Variants in MPDZ observed in about 807,000 individuals in gnomAD.
MPDZ encodes multiple PDZ domain protein.
Under a neutral mutation model 239.1 loss-of-function variants are expected in MPDZ, and 234 were observed. That is an observed-to-expected ratio of 0.98 (90% CI 0.88 to 1.09). The LOEUF (loss-of-function observed/expected upper bound fraction) is 1.09, where lower values mean the gene tolerates loss of function less well. Among genes scored for constraint, MPDZ ranks in the 50% least tolerant of loss-of-function variants. MPDZ has a pLI of 0.00. For missense variants in MPDZ, 3,175 were observed against 2,510.0 expected (o/e 1.26, Z -5.66); for synonymous variants, 1,048 against 881.3 (o/e 1.19, Z -3.35).
chr9:13,137,224 A>G (rs1309251391), intron 29 of MPDZ, among the ~76,000 whole-genome samples: 3 of 152,116 alleles, frequency 2.0e-5, no homozygotes, highest in Admixed American at 1.3e-4. Flanking sequence ...CAAGCCCTGG[A>G]AATAGGTCAC....
chr9:13,150,703 A>T lies in MPDZ; in HGVS notation c.3453-15T>A, dbSNP rs1949050636. ...AGAGTTCCACCCTAAAAAATAAATA[A>T]AATTTTCAACTCTTAGGAAAAATCA... On this transcript the variant is annotated splice_polypyrimidine_tract_variant and intron_variant, in intron 24 of 46. Coordinates refer to ENST00000319217, the MANE Select transcript of MPDZ (RefSeq NM_001378778.1). 1 of 1,318,138 alleles carries T rather than the reference A, an allele frequency of 7.6e-7. No homozygotes were observed. The highest frequency in any genetic ancestry group is 9.8e-7 in the Non-Finnish European group (1 of 1,025,176). 81.7% of individuals were successfully genotyped at this position (1,318,138 alleles called of 1,614,324 possible). A position where few individuals can be genotyped will look rare whatever the true frequency, so the allele number is the denominator to read the frequency against.
chr9:13,248,468 C>T (rs996495405), intron 2 of MPDZ, among the ~76,000 whole-genome samples: 1 of 152,046 alleles, frequency 6.6e-6, no homozygotes, highest in Non-Finnish European at 1.5e-5. Flanking sequence ...GTCCTAGTGT[C>T]TTACAAGCAT....
In MPDZ at chr9:13,222,178, C is replaced by T. The variant is rs114243286; in HGVS notation, c.747+55G>A. On this transcript the variant is annotated intron_variant, in intron 6 of 46. Transcript: ENST00000319217. The stretch of plus-strand genomic sequence containing the variant: ...ACACAAATTAGAAACTTGGAGATAA[C>T]CAAAAACAACTTGAAAAATACGTTC... 1.0e-3 allele frequency: 1,477 copies of T among 1,475,588 alleles called. 14 individuals carry two copies. The African/African-American group carries it at 0.017, about 17-fold the overall frequency. The allele number at this position is 1,475,588 out of a possible 1,614,324, so 91.4% of individuals were successfully genotyped here.
In MPDZ at chr9:13,183,506, G is replaced by A. The variant is rs1953664862; in HGVS notation, c.2561C>T (p.Ser854Phe). 1 of 1,612,424 alleles carries A rather than the reference G, an allele frequency of 6.2e-7. No individual in the cohort carries two copies. Among genetic ancestry groups the A allele is most frequent in the Non-Finnish European group, 8.5e-7 (1 of 1,179,028 alleles). The change falls in exon 19 of 47, where the codon TCT (serine) becomes TTT (phenylalanine). Residue 854 changes from serine to phenylalanine, a missense_variant. Transcript: ENST00000319217. Reference protein sequence around the residue: ...PYSPENDSIYSTQASILSLHG... With the variant: ...PYSPENDSIYFTQASILSLHG... Reference sequence around the variant, plus strand: ...AAGAGATAAAATAGAGGCTTGAGTAGAGTAGATGCTGTCATTTTCAGGAGA... The same window carrying A: ...AAGAGATAAAATAGAGGCTTGAGTAAAGTAGATGCTGTCATTTTCAGGAGA...
At chr9:13,114,088 T>C (rs1942964563) in intron 40 of MPDZ, 67 bp from the exon 41 acceptor site, 1 of 1,229,478 alleles carries the variant, frequency 8.1e-7, no homozygotes, top group Admixed American at 2.1e-5. Context: ...ACCACTTATT[T>C]CAGAATTTAA....
chr9:13,120,652 C>G (rs1008685294), intron 38 of MPDZ: 1 of 152,188 alleles, frequency 6.6e-6, no homozygotes, highest in Non-Finnish European at 1.5e-5. Flanking sequence ...CTTTAGCTGT[C>G]TCTGAGAAAC....
chr9:13,184,743 T>C (rs1953860616), intron 18 of MPDZ, among the ~76,000 whole-genome samples: 1 of 152,028 alleles, frequency 6.6e-6, no homozygotes, highest in Non-Finnish European at 1.5e-5. Flanking sequence ...ATATAATTTG[T>C]ATGTATATTG....
intron 3 of MPDZ, among the ~76,000 whole-genome samples, 182 bp from the exon 4 acceptor site, chr9:13,224,765 T>C (rs1243187484): frequency 6.6e-6 from 1 of 152,136 alleles, no homozygotes; most frequent in Non-Finnish European, 1.5e-5. Flanking sequence ...CAAAGATGTG[T>C]GTGCATCACT....
At chr9:13,160,858 AT>A (rs1563931033) in intron 23 of MPDZ, among the ~76,000 whole-genome samples, 26 of 121,924 alleles carry the variant, frequency 2.1e-4, no homozygotes, top group African/African-American at 7.8e-4. Context: ...ATATATATAT[AT>A]ATATATATAT....
chr9:13,107,228 C>G (rs1941610004), intron 46 of MPDZ, 117 bp from the exon 47 acceptor site: 2 of 1,089,766 alleles, frequency 1.8e-6, no homozygotes, highest in African/African-American at 1.6e-5. Flanking sequence ...ACACTGCTCC[C>G]AGTGCTCCAT....
intron 3 of MPDZ, among the ~76,000 whole-genome samples, chr9:13,231,218 T>TG (rs1327770372): frequency 3.3e-5 from 5 of 151,660 alleles, no homozygotes; most frequent in Admixed American, 2.6e-4. Flanking sequence ...TGCAAAAAAA[T>TG]GGGGAAAAAA....
At chr9:13,129,214 G>A (rs1217415765) in intron 32 of MPDZ, among the ~76,000 whole-genome samples, 1 of 152,150 alleles carries the variant, frequency 6.6e-6, no homozygotes, top group Non-Finnish European at 1.5e-5. Context: ...TGTAATCCCA[G>A]CACTTTGGGA....
At chr9:13,205,013 A>G in intron 12 of MPDZ, 23 bp downstream of exon 12, 3 of 1,392,164 alleles carry the variant, frequency 2.2e-6, no homozygotes, top group Non-Finnish European at 2.8e-6. Flanking sequence ...GAAGTACACA[A>G]TAAGCTGGCG....
chr9:13,189,587 A>G (rs1954619704), intron 16 of MPDZ, among the ~76,000 whole-genome samples: 1 of 152,124 alleles, frequency 6.6e-6, no homozygotes, highest in Non-Finnish European at 1.5e-5. Context: ...GTAAGTAAGG[A>G]ACAACAGCTG....
In MPDZ at chr9:13,136,724, AT is replaced by A; in HGVS notation, c.4279del (p.Ile1427Ter). On this transcript the variant is annotated frameshift_variant, in exon 30 of 47. Coordinates refer to ENST00000319217, the MANE Select transcript of MPDZ (RefSeq NM_001378778.1). LOFTEE classifies it high-confidence loss of function. Reference protein sequence around the residue: ...IIKCAPSKVKIIFIRNKDAVN... With the variant: ...IIKCAPSKVKXIFIRNKDAVN... Reference sequence around the variant, plus strand: ...AGAAAATGATCACCTGATAAAAATTATTTTCACTTTAGAAGGGGCACATTTA... The same window carrying A: ...AGAAAATGATCACCTGATAAAAATTATTTCACTTTAGAAGGGGCACATTTA... 6.3e-7 allele frequency: 1 copy of A among 1,585,286 alleles called. No individual in the cohort carries two copies.
chr9:13,201,187 T>C (rs1469666091), intron 12 of MPDZ, among the ~76,000 whole-genome samples: 1 of 152,106 alleles, frequency 6.6e-6, no homozygotes, highest in East Asian at 1.9e-4. Flanking sequence ...TTTATTTTTT[T>C]ACTGTTCTTC....
In MPDZ at chr9:13,138,081, C is replaced by G. The variant is rs781151144; in HGVS notation, c.4076G>C (p.Gly1359Ala). Residue 1359 changes from glycine (G) to alanine (A), a missense_variant, in exon 29 of 47, where the codon GGT becomes GCT. Coordinates refer to ENST00000319217, the MANE Select transcript of MPDZ (RefSeq NM_001378778.1). ...GTTCCCAGCAAGACTTAGGCCCAAA[C>G]CACTATGACCTTTCTCCAGTTCAAT... ...HMIELEKGHS[G>A]LGLSLAGNKD... The G allele has an allele frequency of 4.3e-6, 7 of 1,613,670 alleles. No homozygotes were observed. In the South Asian group the frequency reaches 4.4e-5, roughly 10 times the overall value.
intron 24 of MPDZ, among the ~76,000 whole-genome samples, chr9:13,157,038 G>T (rs1949913005): frequency 8.8e-6 from 1 of 114,168 alleles, no homozygotes; most frequent in Non-Finnish European, 1.6e-5. Context: ...ACATAAAATA[G>T]TGTTTTTTAT....
In MPDZ at chr9:13,249,104, T is replaced by TCACACACA. The variant is rs199752806; in HGVS notation, c.16+1188_16+1195dup. ...ATATGAACTGATGTTGATCATGGGT[T>TCACACACA]CACACACACACACACACACACACAC... On this transcript the variant is annotated intron_variant, in intron 2 of 46. Transcript: ENST00000319217. Among the ~76,000 whole-genome samples the TCACACACA allele has an allele frequency of 2.3e-3, 334 of 145,898 alleles. 1 individual carries two copies. The highest frequency in any genetic ancestry group is 2.9e-3 in the Non-Finnish European group (189 of 66,260).
Sources: gnomAD v4.1 joint callset for allele counts (sites outside exome capture counted in the v4.1 genomes callset) on GRCh38, gnomAD v4.1.1 for gene constraint, MANE v1.5 for transcripts, NCBI Gene and HGNC (gene_info 2026-07-23, HGNC 2026-07-21) for gene names.